Variants in FBXO25 observed in about 807,000 individuals in gnomAD.
The protein encoded by FBXO25 is F-box protein 25.
A neutral mutation model predicts 51.9 loss-of-function variants in FBXO25; 45 were observed. The ratio of observed to expected loss-of-function variants is 0.87; its 90% CI spans 0.68 to 1.11. FBXO25 has a LOEUF of 1.11. Among genes scored for constraint, FBXO25 ranks in the 50% most tolerant of loss-of-function variants. The pLI, the probability that FBXO25 is intolerant of heterozygous loss-of-function variation, is 0.00. For missense variants in FBXO25, 507 were observed against 428.5 expected (o/e 1.18, Z -1.62); for synonymous variants, 199 against 151.0 (o/e 1.32, Z -2.33).
chr8:447,267 C>T (rs1203904947), intron 5 of FBXO25, among the ~76,000 whole-genome samples: 3 of 152,044 alleles, frequency 2.0e-5, no homozygotes, highest in Non-Finnish European at 2.9e-5. Context: ...ATGCAGGTAG[C>T]GGCTGGGGGA....
chr8:446,725 T>C (rs1486691814), intron 5 of FBXO25, among the ~76,000 whole-genome samples: 2 of 152,246 alleles, frequency 1.3e-5, no homozygotes, highest in African/African-American at 4.8e-5. Flanking sequence ...CCTGATCTTA[T>C]CTCTGGCCAG....
At chr8:463,658 AT>A (rs551949179) in intron 9 of FBXO25, among the ~76,000 whole-genome samples, 26 of 152,304 alleles carry the variant, frequency 1.7e-4, no homozygotes, top group East Asian at 1.5e-3. Context: ...TAAAATCTGC[AT>A]TTTTCTCATT....
chr8:417,672 C>G (rs57106080), intron 2 of FBXO25, among the ~76,000 whole-genome samples: 7,131 of 152,274 alleles, frequency 0.047, 258 homozygotes, highest in African/African-American at 0.094. Flanking sequence ...TCACCATGTT[C>G]TCCTAATGCA....
intron 1 of FBXO25, among the ~76,000 whole-genome samples, chr8:412,177 G>A (rs1225466461): frequency 6.6e-6 from 1 of 152,110 alleles, no homozygotes; most frequent in African/African-American, 2.4e-5. Flanking sequence ...ATTTCAAACT[G>A]AACAGGCATG....
At chr8:440,034 T>C (rs1252962086) in intron 5 of FBXO25, among the ~76,000 whole-genome samples, 1 of 152,216 alleles carries the variant, frequency 6.6e-6, no homozygotes. Context: ...AGCAGCAGCC[T>C]CACAGCAGCG....
chr8:419,969 C>T (rs1797050982), intron 2 of FBXO25, among the ~76,000 whole-genome samples: 1 of 152,158 alleles, frequency 6.6e-6, no homozygotes, highest in African/African-American at 2.4e-5. Context: ...TGAACCTGTA[C>T]TTCACCAAAC....
chr8:435,435 G>C, intron 4 of FBXO25, 180 bp from the exon 5 acceptor site: 1 of 769,898 alleles, frequency 1.3e-6, no homozygotes, highest in Non-Finnish European at 2.0e-6. Flanking sequence ...TACATAAACA[G>C]CTTAAATTAT....
chr8:457,859 G>C (rs1799551822), intron 7 of FBXO25, among the ~76,000 whole-genome samples: 2 of 152,226 alleles, frequency 1.3e-5, no homozygotes, highest in African/African-American at 4.8e-5. Flanking sequence ...AAGGAGCTTT[G>C]CAGACGATGT....
rs547075514 is a variant in FBXO25 at position 475,078 on chromosome 8, T to C, written c.*6274T>C. 4.3e-5 allele frequency: 16 copies of C among 375,800 alleles called. No individual in the cohort carries two copies. Among genetic ancestry groups the C allele is most frequent in the African/African-American group, 3.2e-4 (15 of 47,192 alleles). The allele number at this position is 375,800 out of a possible 1,614,324, so 23.3% of individuals were successfully genotyped here. On this transcript the variant is annotated 3_prime_UTR_variant, in exon 10 of 10. Coordinates refer to ENST00000350302, the MANE Select transcript of FBXO25 (RefSeq NM_183420.2). ...TTAAAAGTTTCCCTTATGTTTCTCC[T>C]AAATGTTTTAGTTTTAGCTCTTAGT...
intron 5 of FBXO25, among the ~76,000 whole-genome samples, chr8:444,929 A>G (rs1798643895): frequency 6.6e-6 from 1 of 152,212 alleles, no homozygotes; most frequent in African/African-American, 2.4e-5. Context: ...CTCGGATCAG[A>G]TTGTATCCCC....
At chr8:440,193 T>C (rs1369869864) in intron 5 of FBXO25, among the ~76,000 whole-genome samples, 1 of 152,214 alleles carries the variant, frequency 6.6e-6, no homozygotes, top group Non-Finnish European at 1.5e-5. Flanking sequence ...CTCAAGCATA[T>C]GACTTCATCA....
chr8:416,123 CATT>C (rs1409604912), intron 2 of FBXO25, among the ~76,000 whole-genome samples: 2 of 152,216 alleles, frequency 1.3e-5, no homozygotes, highest in Non-Finnish European at 2.9e-5. Flanking sequence ...TTCTTCCACT[CATT>C]CTGTAAACTG....
chr8:419,814 T>C (rs1797040978), intron 2 of FBXO25, among the ~76,000 whole-genome samples: 1 of 152,120 alleles, frequency 6.6e-6, no homozygotes, highest in Non-Finnish European at 1.5e-5. Flanking sequence ...TAATTTGCAT[T>C]TTATCAAAAT....
chr8:453,696 C>T (rs183024749), intron 7 of FBXO25, among the ~76,000 whole-genome samples: 209 of 152,210 alleles, frequency 1.4e-3, no homozygotes, highest in African/African-American at 5.0e-3. Flanking sequence ...TGAGAGCCTT[C>T]CCGGATCCCT....
At chr8:429,889 C>T (rs1797713883) in intron 2 of FBXO25, among the ~76,000 whole-genome samples, 2 of 152,258 alleles carry the variant, frequency 1.3e-5, no homozygotes, top group Admixed American at 1.3e-4. Flanking sequence ...GGAGCCACAG[C>T]CATCTAGGCC....
chr8:437,227 A>G (rs1198566559), intron 5 of FBXO25, among the ~76,000 whole-genome samples: 2 of 152,238 alleles, frequency 1.3e-5, no homozygotes. Flanking sequence ...ATATAAATGC[A>G]TAACTATAAA....
chr8:423,274 T>C (rs1797266373), intron 2 of FBXO25, among the ~76,000 whole-genome samples: 1 of 152,174 alleles, frequency 6.6e-6, no homozygotes, highest in Non-Finnish European at 1.5e-5. Context: ...TACTCAGAGT[T>C]GTCTGGTTAT....
At chr8:456,566 T>C (rs1486587942) in intron 7 of FBXO25, among the ~76,000 whole-genome samples, 1 of 152,188 alleles carries the variant, frequency 6.6e-6, no homozygotes, top group Non-Finnish European at 1.5e-5. Flanking sequence ...AGGGCTGACA[T>C]CTGCCCTATG....
chr8:411,034 C>G (rs1251320297), intron 1 of FBXO25, among the ~76,000 whole-genome samples: 1 of 151,984 alleles, frequency 6.6e-6, no homozygotes, highest in Non-Finnish European at 1.5e-5. Flanking sequence ...GTTAATTATA[C>G]TAAATATAGT....
Sources: allele counts gnomAD v4.1 joint callset (sites outside exome capture counted in the v4.1 genomes callset), GRCh38; gene constraint gnomAD v4.1.1; transcripts MANE v1.5; gene names NCBI Gene and HGNC (gene_info 2026-07-23, HGNC 2026-07-21).